Variants in AGPS observed in about 807,000 individuals in gnomAD.
AGPS encodes the protein alkylglycerone phosphate synthase, also known as alkyldihydroxyacetonephosphate synthase, peroxisomal.
AGPS carries 26 observed loss-of-function variants against 90.7 expected under a neutral mutation model. The ratio of observed to expected loss-of-function variants is 0.29; its 90% CI spans 0.21 to 0.40. The LOEUF is 0.40. AGPS is among the 10% of genes least tolerant of loss of function. The pLI is 1.00. For missense variants in AGPS, 540 were observed against 816.1 expected (o/e 0.66, Z 4.12); for synonymous variants, 294 against 285.3 (o/e 1.03, Z -0.31).
rs1451173400 is a variant in AGPS, at chr2:177,420,277, T to C, written c.269T>C (p.Val90Ala). ...TATTTTCTTCTCACTAGGCAAGAAG[T>C]TATGAAATGGAATGGATGGGGATAT... ...SGTIPKKRQE[V>A]MKWNGWGYND... Residue 90 changes from valine to alanine, a missense_variant, in exon 2 of 20, where the codon GTT becomes GCT. This residue lies in a region of AGPS where 405 missense variants were observed against 692.1 expected (regional missense o/e 0.59). Coordinates refer to ENST00000264167, the MANE Select transcript of AGPS (RefSeq NM_003659.4). 1 of 1,605,554 alleles carries C rather than the reference T, an allele frequency of 6.2e-7. No individual in the cohort carries two copies. Among genetic ancestry groups the C allele is most frequent in the Admixed American group, 1.7e-5 (1 of 59,950 alleles).
At position 177,539,395 on chromosome 2, in the gene AGPS, G is replaced by A. The variant is rs1463275173; in HGVS notation, c.*1200G>A. The A allele has an allele frequency of 6.6e-6, 1 of 151,906 alleles. No individual in the cohort carries two copies. The highest frequency in any genetic ancestry group is 1.9e-4 in the East Asian group (1 of 5,182). The allele number at this position is 151,906 out of a possible 1,614,324, so 9.4% of individuals were successfully genotyped here. A position where few individuals can be genotyped will look rare whatever the true frequency, so the allele number is the denominator to read the frequency against. On this transcript the variant is annotated 3_prime_UTR_variant, in exon 20 of 20. Transcript: ENST00000264167. Reference sequence around the variant, plus strand: ...CATTAATCACATTTAGCAAGCATTTGTACATTCAAACCTGGATATTAAAGT... The same window carrying A: ...CATTAATCACATTTAGCAAGCATTTATACATTCAAACCTGGATATTAAAGT...
chr2:177,487,982 C>T (rs1472253060), intron 11 of AGPS, among the ~76,000 whole-genome samples: 1 of 152,058 alleles, frequency 6.6e-6, no homozygotes, highest in Non-Finnish European at 1.5e-5. Context: ...CAACAATTGA[C>T]TTGTCAAAAT....
At chr2:177,463,660 T>C (rs564772668) in intron 9 of AGPS, among the ~76,000 whole-genome samples, 1 of 152,190 alleles carries the variant, frequency 6.6e-6, no homozygotes, top group Non-Finnish European at 1.5e-5. Context: ...CTATTTATTT[T>C]TCTTTATTCA....
At chr2:177,478,666 C>G (rs141264377) in intron 10 of AGPS, among the ~76,000 whole-genome samples, 14 of 152,148 alleles carry the variant, frequency 9.2e-5, no homozygotes, top group African/African-American at 3.1e-4. Context: ...TGCTTTTCAA[C>G]TCCAGAATTT....
intron 8 of AGPS, among the ~76,000 whole-genome samples, chr2:177,452,962 A>C (rs1345439973): frequency 1.3e-5 from 2 of 151,834 alleles, no homozygotes; most frequent in Non-Finnish European, 2.9e-5. Context: ...TTACCCATCT[A>C]GTTAACCTTT....
At chr2:177,407,575 A>T (rs921358812) in intron 1 of AGPS, among the ~76,000 whole-genome samples, 11 of 152,056 alleles carry the variant, frequency 7.2e-5, no homozygotes, top group Non-Finnish European at 1.5e-4. Flanking sequence ...ATGAGAACCC[A>T]CTGTTGTAAA....
At chr2:177,463,464 T>C (rs1687358305) in intron 9 of AGPS, among the ~76,000 whole-genome samples, 1 of 152,192 alleles carries the variant, frequency 6.6e-6, no homozygotes, top group Admixed American at 6.5e-5. Context: ...AAAGTGATGT[T>C]CCCAACATTA....
intron 1 of AGPS, 98 bp from the exon 2 acceptor site, chr2:177,420,171 G>A (rs1369804538): frequency 8.5e-5 from 66 of 780,520 alleles, no homozygotes; most frequent in Non-Finnish European, 1.2e-4. Flanking sequence ...GTGGGCATAA[G>A]GTATTTTAGA....
intron 10 of AGPS, among the ~76,000 whole-genome samples, chr2:177,473,172 T>C (rs1687679616): frequency 6.6e-6 from 1 of 152,236 alleles, no homozygotes; most frequent in South Asian, 2.1e-4. Flanking sequence ...AATTTGAAAG[T>C]TGCAGTGTTT....
chr2:177,528,571 T>TA (rs781457004), intron 19 of AGPS, among the ~76,000 whole-genome samples: 4 of 152,228 alleles, frequency 2.6e-5, no homozygotes, highest in Non-Finnish European at 5.9e-5. Context: ...TTTAGGTCTC[T>TA]AATAAAAATG....
At chr2:177,535,774 A>G (rs2079178369) in intron 19 of AGPS, among the ~76,000 whole-genome samples, 2 of 152,194 alleles carry the variant, frequency 1.3e-5, no homozygotes, top group Admixed American at 6.5e-5. Flanking sequence ...GCATAAACCA[A>G]GATTTCTGAC....
chr2:177,403,558 TAAAG>T (rs1685386861), intron 1 of AGPS, among the ~76,000 whole-genome samples: 3 of 152,090 alleles, frequency 2.0e-5, no homozygotes, highest in Non-Finnish European at 2.9e-5. Context: ...TTTACAATCA[TAAAG>T]AAAAGGGAAA....
intron 1 of AGPS, among the ~76,000 whole-genome samples, chr2:177,397,424 A>G (rs556521141): frequency 9.3e-5 from 14 of 150,404 alleles, no homozygotes; most frequent in African/African-American, 3.4e-4. Context: ...GTAAATGTCA[A>G]TTACATATGT....
rs375684020 is a variant in AGPS, at chr2:177,499,742, A to T, written c.1475+12A>T. 6.6e-7 allele frequency: 1 copy of T among 1,506,340 alleles called. No homozygotes were observed. Among genetic ancestry groups the T allele is most frequent in the Admixed American group, 1.7e-5 (1 of 59,842 alleles). 93.3% of individuals were successfully genotyped at this position (1,506,340 alleles called of 1,614,324 possible). ...GCTGCAAAATTTGGGTATGGCTTCA[A>T]GTTCATAATGCCAAGAGAAAGAGTT... On this transcript the variant is annotated intron_variant, in intron 14 of 19. Coordinates refer to ENST00000264167, the MANE Select transcript of AGPS (RefSeq NM_003659.4).
rs145914451 is a variant in AGPS, at chr2:177,428,496, G to T, written c.351-5831G>T. ...TTCATATTTAGTGCTTTCTTCAGGA[G>T]CTCTTGCAAGGCAGGCCTGGTGGTG... On this transcript the variant is annotated intron_variant, in intron 2 of 19. Transcript: ENST00000264167. 8.0e-3 allele frequency among the ~76,000 whole-genome samples: 1,216 copies of T among 152,290 alleles called. 14 individuals are homozygous for T. The highest frequency in any genetic ancestry group is 0.027 in the African/African-American group (1,132 of 41,556).
chr2:177,523,603 A>T (rs1217885315), intron 18 of AGPS, 145 bp from the exon 19 acceptor site: 1 of 704,988 alleles, frequency 1.4e-6, no homozygotes, highest in Non-Finnish European at 2.5e-6. Flanking sequence ...TTTTAAACAC[A>T]TTTGACCAAA....
chr2:177,500,151 G>A (rs997753283), intron 14 of AGPS, among the ~76,000 whole-genome samples: 13 of 151,860 alleles, frequency 8.6e-5, no homozygotes, highest in African/African-American at 2.7e-4. Context: ...GTGTTTAATC[G>A]AAGGTATTTG....
At chr2:177,407,247 CATT>C (rs767090588) in intron 1 of AGPS, among the ~76,000 whole-genome samples, 19 of 152,236 alleles carry the variant, frequency 1.2e-4, no homozygotes, top group Non-Finnish European at 2.1e-4. Context: ...GCAATACTGT[CATT>C]GTTGCAGTAA....
At chr2:177,477,801 A>C (rs1417226007) in intron 10 of AGPS, among the ~76,000 whole-genome samples, 1 of 152,124 alleles carries the variant, frequency 6.6e-6, no homozygotes, top group Non-Finnish European at 1.5e-5. Context: ...CTTTTGTGCT[A>C]GTATTGGCAC....
Sources: gnomAD v4.1 joint callset for allele counts (sites outside exome capture counted in the v4.1 genomes callset) on GRCh38, gnomAD v4.1.1 for gene constraint, gnomAD v4.1.1 regional missense constraint, MANE v1.5 for transcripts, NCBI Gene and HGNC (gene_info 2026-07-23, HGNC 2026-07-21) for gene names.